Variants in ZC2HC1A observed in about 807,000 individuals in gnomAD.
The protein encoded by ZC2HC1A is zinc finger C2HC-type containing 1A, also known as zinc finger C2HC domain-containing protein 1A.
A neutral mutation model predicts 40.7 loss-of-function variants in ZC2HC1A; 28 were observed. The ratio of observed to expected loss-of-function variants is 0.69; its 90% CI spans 0.51 to 0.94. ZC2HC1A has a LOEUF of 0.94. Ranked by LOEUF, ZC2HC1A falls within the 40% of genes least tolerant of loss-of-function variation. The pLI is 0.00. For missense variants in ZC2HC1A, 389 were observed against 386.3 expected (o/e 1.01, Z -0.06); for synonymous variants, 129 against 129.2 (o/e 1.00, Z 0.01).
At chr8:78,711,887 G>A (rs1810960437) in intron 7 of ZC2HC1A, 2 of 580,272 alleles carry the variant, frequency 3.4e-6, no homozygotes, top group South Asian at 1.7e-5. Flanking sequence ...TAAGGACTTG[G>A]GGAGTAGATA....
At chr8:78,708,388 G>A (rs1456098305) in intron 7 of ZC2HC1A, among the ~76,000 whole-genome samples, 1 of 151,976 alleles carries the variant, frequency 6.6e-6, no homozygotes, top group Non-Finnish European at 1.5e-5. Flanking sequence ...TAGACAGTTT[G>A]TGGATTAGGC....
rs556959973 is a variant in ZC2HC1A at position 78,715,654 on chromosome 8, G to A, written c.812+326G>A. ...GGGACTTAAGACTTCAGTGGAGGAG[G>A]TAACTGCAGATGTACTAGCAAAATA... On this transcript the variant is annotated intron_variant, in intron 8 of 8. Coordinates refer to ENST00000263849, the MANE Select transcript of ZC2HC1A (RefSeq NM_016010.3). 9.2e-5 allele frequency among the ~76,000 whole-genome samples: 14 copies of A among 152,308 alleles called. No homozygotes were observed. In the South Asian group the frequency reaches 2.9e-3, roughly 32 times the overall value.
chr8:78,719,169 T>C lies in ZC2HC1A; in HGVS notation c.*1676T>C, dbSNP rs965409120. 2 of 151,792 alleles carry C rather than the reference T, an allele frequency of 1.3e-5. No individual in the cohort carries two copies. The highest frequency in any genetic ancestry group is 3.0e-5 in the Non-Finnish European group (2 of 67,668). 9.4% of individuals were successfully genotyped at this position (151,792 alleles called of 1,614,324 possible). A position where few individuals can be genotyped will look rare whatever the true frequency, so the allele number is the denominator to read the frequency against. On this transcript the variant is annotated 3_prime_UTR_variant, in exon 9 of 9. Transcript: ENST00000263849. ...AGATTTCCATTTAAATCACTTCTGT[T>C]ATAAATCATATAAAGAACTTTAAAC...
intron 3 of ZC2HC1A, chr8:78,679,515 A>T (rs1208306797): frequency 6.6e-6 from 1 of 152,090 alleles, no homozygotes; most frequent in Non-Finnish European, 1.5e-5. Context: ...TTTTCCTGAA[A>T]GTTTCTGATT....
intron 6 of ZC2HC1A, among the ~76,000 whole-genome samples, chr8:78,698,177 A>G (rs982128688): frequency 1.3e-5 from 2 of 152,190 alleles, no homozygotes; most frequent in African/African-American, 4.8e-5. Context: ...AGAAGAAGAT[A>G]TTGACCACTG....
At chr8:78,704,006 G>A (rs531442655) in intron 7 of ZC2HC1A, among the ~76,000 whole-genome samples, 2 of 152,188 alleles carry the variant, frequency 1.3e-5, no homozygotes, top group South Asian at 2.1e-4. Flanking sequence ...AGCATTTGCT[G>A]GTCTGAAAAA....
chr8:78,691,416 A>G (rs535692720), intron 5 of ZC2HC1A, among the ~76,000 whole-genome samples: 10 of 152,134 alleles, frequency 6.6e-5, no homozygotes, highest in Non-Finnish European at 4.4e-5. Context: ...TGTGATAAGA[A>G]TATAGCCATT....
At chr8:78,698,609 T>C in intron 7 of ZC2HC1A, 96 bp downstream of exon 7, 1 of 914,414 alleles carries the variant, frequency 1.1e-6, no homozygotes, top group Non-Finnish European at 1.5e-6. Flanking sequence ...TCATCTTCAT[T>C]TCCTAAGTTC....
At chr8:78,714,436 A>C (rs16906018) in intron 7 of ZC2HC1A, among the ~76,000 whole-genome samples, 1 of 152,156 alleles carries the variant, frequency 6.6e-6, no homozygotes, top group African/African-American at 2.4e-5. Context: ...AAATGTTTAT[A>C]TGAATTGTAC....
chr8:78,685,117 A>G (rs371606466), intron 3 of ZC2HC1A, among the ~76,000 whole-genome samples: 3 of 152,200 alleles, frequency 2.0e-5, no homozygotes, highest in Admixed American at 6.5e-5. Context: ...GATAGTCAGA[A>G]CCGTGGAATG....
intron 3 of ZC2HC1A, among the ~76,000 whole-genome samples, chr8:78,681,933 G>GATCT (rs957631621): frequency 2.1e-5 from 3 of 140,352 alleles, no homozygotes; most frequent in African/African-American, 7.9e-5. Context: ...TTGAGACAGG[G>GATCT]ATCTTACTAT....
rs1485148804 is a variant in ZC2HC1A, at chr8:78,698,508, T to C, written c.699T>C (p.His233=). The C allele has an allele frequency of 2.5e-6, 4 of 1,605,588 alleles. No individual in the cohort carries two copies. Among genetic ancestry groups the C allele is most frequent in the African/African-American group, 2.7e-5 (2 of 74,726 alleles). The change falls in exon 7 of 9, where the codon CAT becomes CAC. Residue 233 remains histidine (H), a synonymous_variant. Transcript: ENST00000263849. ...SPSHKGIAAP[H]AGANVKPRNS... is the part of the protein sequence containing the mutation. ...CTCATAAAGGGATAGCAGCCCCTCA[T>C]GCAGGGTAAGTCTACACTGGATATA...
intron 7 of ZC2HC1A, among the ~76,000 whole-genome samples, chr8:78,702,937 C>T (rs1008634509): frequency 3.3e-5 from 5 of 152,040 alleles, no homozygotes; most frequent in African/African-American, 9.7e-5. Context: ...CACTCTGTCG[C>T]CCAGGCTATA....
At chr8:78,696,179 C>T (rs1006979448) in intron 5 of ZC2HC1A, among the ~76,000 whole-genome samples, 13 of 151,956 alleles carry the variant, frequency 8.6e-5, no homozygotes, top group Non-Finnish European at 1.3e-4. Context: ...GGACTACAGG[C>T]GCCCGCTACC....
chr8:78,713,051 T>G (rs1238416975), intron 7 of ZC2HC1A, among the ~76,000 whole-genome samples: 1 of 152,158 alleles, frequency 6.6e-6, no homozygotes, highest in Non-Finnish European at 1.5e-5. Context: ...GATTCTACTG[T>G]CAGAACTCTC....
In ZC2HC1A at chr8:78,686,738, T is replaced by C. The variant is rs958838652; in HGVS notation, c.352+130T>C. The stretch of plus-strand genomic sequence containing the variant: ...ATGAGGCATAATCTTTAAAATTTGG[T>C]GTAAAATGGTGGTGGTAATCTAGTC... On this transcript the variant is annotated intron_variant, in intron 4 of 8. Coordinates refer to ENST00000263849, the MANE Select transcript of ZC2HC1A (RefSeq NM_016010.3). 26 of 978,560 alleles carry C rather than the reference T, an allele frequency of 2.7e-5. No homozygotes were observed. The African/African-American group carries it at 4.1e-4, about 15-fold the overall frequency. 60.6% of individuals were successfully genotyped at this position (978,560 alleles called of 1,614,324 possible). A position where few individuals can be genotyped will look rare whatever the true frequency, so the allele number is the denominator to read the frequency against.
intron 5 of ZC2HC1A, 45 bp downstream of exon 5, chr8:78,689,418 T>C: frequency 6.7e-7 from 1 of 1,497,094 alleles, no homozygotes; most frequent in Non-Finnish European, 8.9e-7. Flanking sequence ...AAATGGCTCA[T>C]GGACATTCAT....
intron 4 of ZC2HC1A, among the ~76,000 whole-genome samples, chr8:78,688,772 T>C (rs1358143311): frequency 4.6e-5 from 7 of 152,260 alleles, no homozygotes; most frequent in South Asian, 2.1e-4. Context: ...AACTATTTCT[T>C]GACAGTTTTC....
intron 3 of ZC2HC1A, chr8:78,685,813 G>A (rs1437673708): frequency 6.6e-6 from 1 of 152,194 alleles, no homozygotes; most frequent in African/African-American, 2.4e-5. Flanking sequence ...AATACACTGT[G>A]TTAGTCTCTT....
Sources: gnomAD v4.1 joint callset for allele counts (sites outside exome capture counted in the v4.1 genomes callset) on GRCh38, gnomAD v4.1.1 for gene constraint, MANE v1.5 for transcripts, NCBI Gene and HGNC (gene_info 2026-07-23, HGNC 2026-07-21) for gene names.